Variants in RBFOX2 observed in about 807,000 individuals in gnomAD.
The protein encoded by RBFOX2 is RNA binding fox-1 homolog 2.
A neutral mutation model predicts 49.1 loss-of-function variants in RBFOX2; 10 were observed. That is an observed-to-expected ratio of 0.20 (90% CI 0.13 to 0.35). The LOEUF is 0.35. Among genes scored for constraint, RBFOX2 ranks in the 10% least tolerant of loss-of-function variants. RBFOX2 has a pLI of 1.00. For synonymous variants in RBFOX2, 183 were observed against 187.4 expected, an observed-to-expected ratio of 0.98 and a Z score of 0.19; for missense variants, 323 against 486.9, an observed-to-expected ratio of 0.66 and a Z score of 3.17.
At position 35,739,827 on chromosome 22, in the gene RBFOX2, G is replaced by A. The variant is rs189531457; in HGVS notation, c.*4368C>T. On this transcript the variant is annotated 3_prime_UTR_variant, in exon 12 of 12. Coordinates refer to ENST00000405409, the Ensembl canonical transcript of RBFOX2. The stretch of plus-strand genomic sequence containing the variant: ...GGCATGTACACAAGTACCAGACAAG[G>A]AGGACCAAGTCCCTCTGCTGGTGGC... The A allele has an allele frequency of 9.8e-5, 15 of 152,680 alleles. 1 individual carries two copies. In the East Asian group the frequency reaches 2.9e-3, roughly 29 times the overall value. 9.5% of individuals were successfully genotyped at this position (152,680 alleles called of 1,614,324 possible). A position where few individuals can be genotyped will look rare whatever the true frequency, so the allele number is the denominator to read the frequency against.
At chr22:35,873,360 G>A (rs2044610644) in intron 1 of RBFOX2, among the ~76,000 whole-genome samples, 1 of 151,906 alleles carries the variant, frequency 6.6e-6, no homozygotes, top group Non-Finnish European at 1.5e-5. Flanking sequence ...TCGAGCTCCT[G>A]ACTTCAAGCA....
At chr22:35,897,757 T>C in intron 1 of RBFOX2, 1 of 772,616 alleles carries the variant, frequency 1.3e-6, no homozygotes, top group East Asian at 2.5e-5. Flanking sequence ...ATTTGCAAAA[T>C]AATTAAGGAA....
At chr22:35,966,639 C>CA (rs1331701507), upstream of RBFOX2, among the ~76,000 whole-genome samples, 1 of 152,034 alleles carries the variant, frequency 6.6e-6, no homozygotes, top group African/African-American at 2.4e-5. Context: ...AGTAACTACT[C>CA]AAATATTTTG....
chr22:35,977,731 T>TATAG (rs2057252292), intron 1 of RBFOX2, among the ~76,000 whole-genome samples: 1 of 57,492 alleles, frequency 1.7e-5, no homozygotes, highest in African/African-American at 4.4e-5. Context: ...ACTATATATA[T>TATAG]ATATATATAT....
intron 1 of RBFOX2, among the ~76,000 whole-genome samples, chr22:35,933,468 G>C (rs1392291486): frequency 6.6e-6 from 1 of 152,136 alleles, no homozygotes; most frequent in East Asian, 1.9e-4. Flanking sequence ...AGTTTTGCAA[G>C]TATCCCACTG....
intron 1 of RBFOX2, among the ~76,000 whole-genome samples, chr22:35,974,514 C>T (rs1437017549): frequency 6.6e-6 from 1 of 152,026 alleles, no homozygotes; most frequent in East Asian, 1.9e-4. Context: ...TGGTGAAATC[C>T]TGTCTCTACT....
intron 1 of RBFOX2, among the ~76,000 whole-genome samples, chr22:36,003,833 T>C (rs938501860): frequency 4.6e-5 from 7 of 151,988 alleles, no homozygotes; most frequent in African/African-American, 1.7e-4. Flanking sequence ...CAAAGCAGAG[T>C]AGAAGGGGAG....
intron 5 of RBFOX2, among the ~76,000 whole-genome samples, chr22:35,766,569 T>G (rs1306424692): frequency 6.6e-6 from 1 of 152,124 alleles, no homozygotes; most frequent in Non-Finnish European, 1.5e-5. Flanking sequence ...CTCCATTTAC[T>G]CTAGCTTCGC....
intron 1 of RBFOX2, among the ~76,000 whole-genome samples, chr22:35,970,855 A>G (rs1488769083): frequency 6.6e-6 from 1 of 152,198 alleles, no homozygotes; most frequent in Non-Finnish European, 1.5e-5. Flanking sequence ...GGATTAGAAT[A>G]AAATTGCAAA....
chr22:35,932,598 G>C (rs755829434), intron 1 of RBFOX2, among the ~76,000 whole-genome samples: 2 of 152,168 alleles, frequency 1.3e-5, no homozygotes, highest in Non-Finnish European at 2.9e-5. Context: ...ATCAAAGAAT[G>C]GGCCCCGCGT....
chr22:35,983,236 T>G (rs2057544921), intron 1 of RBFOX2, among the ~76,000 whole-genome samples: 1 of 152,176 alleles, frequency 6.6e-6, no homozygotes, highest in Non-Finnish European at 1.5e-5. Flanking sequence ...TGCCCTCAGC[T>G]CTGCAACCAG....
intron 2 of RBFOX2, among the ~76,000 whole-genome samples, chr22:35,797,857 C>A (rs893510746): frequency 2.0e-5 from 3 of 152,228 alleles, no homozygotes; most frequent in African/African-American, 7.2e-5. Flanking sequence ...GCAATGTCCT[C>A]TACTTCACTG....
chr22:35,895,419 C>A (rs1185725967), intron 1 of RBFOX2, among the ~76,000 whole-genome samples: 1 of 152,156 alleles, frequency 6.6e-6, no homozygotes, highest in East Asian at 1.9e-4. Context: ...CTTGCAGAAG[C>A]CAAGCACACA....
At chr22:35,783,381 C>CA (rs1354434078) in intron 2 of RBFOX2, among the ~76,000 whole-genome samples, 1 of 151,906 alleles carries the variant, frequency 6.6e-6, no homozygotes, top group Non-Finnish European at 1.5e-5. Flanking sequence ...CATGATGCCA[C>CA]ACTCAAGTTT....
intron 1 of RBFOX2, among the ~76,000 whole-genome samples, chr22:35,991,435 G>T (rs976110899): frequency 6.6e-6 from 1 of 152,160 alleles, no homozygotes; most frequent in Non-Finnish European, 1.5e-5. Flanking sequence ...GTATTGCAAG[G>T]TTTCTTTAAA....
At chr22:35,901,536 G>A (rs2048572955) in intron 1 of RBFOX2, among the ~76,000 whole-genome samples, 1 of 152,062 alleles carries the variant, frequency 6.6e-6, no homozygotes, top group Non-Finnish European at 1.5e-5. Context: ...TTGGGAGTTG[G>A]TGTACACATA....
chr22:35,744,361 G>C (rs1020848924), intron 11 of RBFOX2, 112 bp from the exon 14 acceptor site: 1 of 995,924 alleles, frequency 1.0e-6, no homozygotes, highest in Admixed American at 2.8e-5. Flanking sequence ...AAGCCTCAAA[G>C]CAACTGATCA....
intron 2 of RBFOX2, among the ~76,000 whole-genome samples, chr22:35,809,202 C>T (rs1366196594): frequency 6.6e-6 from 1 of 152,076 alleles, no homozygotes; most frequent in Admixed American, 6.5e-5. Context: ...CAGGTAGGTA[C>T]TATTATCTTC....
At chr22:35,894,684 C>G (rs1194624186) in intron 1 of RBFOX2, among the ~76,000 whole-genome samples, 3 of 152,116 alleles carry the variant, frequency 2.0e-5, no homozygotes, top group African/African-American at 4.8e-5. Flanking sequence ...AACCTAACAC[C>G]TTGGAACAGA....
Sources: gnomAD v4.1 joint callset for allele counts (sites outside exome capture counted in the v4.1 genomes callset) on GRCh38, gnomAD v4.1.1 for gene constraint, MANE v1.5 for transcripts, NCBI Gene and HGNC (gene_info 2026-07-23, HGNC 2026-07-21) for gene names.